Variants in RADIL observed in about 807,000 individuals in gnomAD.
RADIL encodes Rap associating with DIL domain, also known as ras-associating and dilute domain-containing protein.
A neutral mutation model predicts 97.6 loss-of-function variants in RADIL; 99 were observed. The ratio of observed to expected loss-of-function variants is 1.01; its 90% CI spans 0.86 to 1.20. RADIL has a LOEUF of 1.20. Ranked by LOEUF, RADIL falls within the 50% of genes most tolerant of loss-of-function variation. The pLI is 0.00. For synonymous variants in RADIL, 803 were observed against 691.8 expected, an observed-to-expected ratio of 1.16 and a Z score of -2.52; for missense variants, 1,765 against 1,498.9, an observed-to-expected ratio of 1.18 and a Z score of -2.93.
At chr7:4,816,169 C>G (rs1782672841) in intron 8 of RADIL, 59 bp downstream of exon 8, 4 of 1,504,646 alleles carry the variant, frequency 2.7e-6, no homozygotes, top group Non-Finnish European at 3.6e-6. Context: ...GAGGCGCCAG[C>G]AGCCGTCATG....
chr7:4,825,753 G>A (rs530562578), intron 5 of RADIL, among the ~76,000 whole-genome samples: 1 of 152,138 alleles, frequency 6.6e-6, no homozygotes, highest in Admixed American at 6.5e-5. Context: ...GCATGTTCCT[G>A]TTATCCCAGC....
Position 4,816,351 on chromosome 7 carries a change from C to G in RADIL, c.1843G>C (p.Val615Leu). 4 of 1,612,172 alleles carry G rather than the reference C, an allele frequency of 2.5e-6. No individual in the cohort carries two copies. Among genetic ancestry groups the G allele is most frequent in the Non-Finnish European group, 3.4e-6 (4 of 1,179,648 alleles). ...AGGAGGTCCAGGGCTGCCTGGTACA[C>G]AGACACCACGCGGCGCAGCTCCTCG... Reference protein sequence around the residue: ...LPEELRRVVSVYQAALDLLRQ... With the variant: ...LPEELRRVVSLYQAALDLLRQ... The change falls in exon 8 of 15, where the codon GTG becomes CTG. Residue 615 changes from valine (V) to leucine (L), a missense_variant. Physicochemically the swap from Val to Leu is conservative, Grantham distance 32. Transcript: ENST00000399583.
intron 2 of RADIL, among the ~76,000 whole-genome samples, chr7:4,870,767 A>G (rs1784234664): frequency 6.6e-6 from 1 of 152,140 alleles, no homozygotes; most frequent in African/African-American, 2.4e-5. Flanking sequence ...CAAACAGTTC[A>G]CACCAGTGAC....
intron 2 of RADIL, 103 bp from the exon 3 acceptor site, chr7:4,836,708 T>TG (rs1223919128): frequency 2.0e-6 from 3 of 1,485,142 alleles, no homozygotes; most frequent in Non-Finnish European, 2.7e-6. Flanking sequence ...GAGGCCGAGG[T>TG]GGGGGGATCG....
rs1783943305 is a variant in RADIL, at chr7:4,860,124, T to C, written c.535+17481A>G. ...TGTATGTTAGCCACAGATGCTGTCATTACAGCCAAGGCAGGACTGTTTCTA... is the reference window on the plus strand; with the variant it reads ...TGTATGTTAGCCACAGATGCTGTCACTACAGCCAAGGCAGGACTGTTTCTA... On this transcript the variant is annotated intron_variant, in intron 2 of 14. Coordinates refer to ENST00000399583, the MANE Select transcript of RADIL (RefSeq NM_018059.5). 1.2e-6 allele frequency: 2 copies of C among 1,613,920 alleles called. No individual in the cohort carries two copies. Among genetic ancestry groups the C allele is most frequent in the East Asian group, 2.2e-5 (1 of 44,902 alleles).
In RADIL at chr7:4,799,309, G is replaced by T. The variant is rs576769654; in HGVS notation, c.*69C>A. On this transcript the variant is annotated 3_prime_UTR_variant, in exon 15 of 15. Transcript: ENST00000399583. ...GGTCAGTTACAAAACAGGGACGAAG[G>T]CGGGAGGAAGCCCAGTGTCACCAGG... The T allele has an allele frequency of 4.0e-6, 6 of 1,501,526 alleles. No homozygotes were observed. The highest frequency in any genetic ancestry group is 4.6e-6 in the Non-Finnish European group (5 of 1,083,352). The allele number at this position is 1,501,526 out of a possible 1,614,324, so 93.0% of individuals were successfully genotyped here. A position where few individuals can be genotyped will look rare whatever the true frequency, so the allele number is the denominator to read the frequency against.
intron 2 of RADIL, chr7:4,861,870 C>G: frequency 8.2e-7 from 1 of 1,225,876 alleles, no homozygotes; most frequent in Non-Finnish European, 1.1e-6. Context: ...GCGGCCGCCG[C>G]CCGGGTCATG....
At chr7:4,808,430 G>A (rs1562430036) in intron 9 of RADIL, among the ~76,000 whole-genome samples, 1 of 151,984 alleles carries the variant, frequency 6.6e-6, no homozygotes, top group Non-Finnish European at 1.5e-5. Context: ...GCTTCTCCTT[G>A]AATTGTCTGT....
At chr7:4,827,093 C>T (rs1302295771) in intron 5 of RADIL, among the ~76,000 whole-genome samples, 1 of 151,986 alleles carries the variant, frequency 6.6e-6, no homozygotes, top group South Asian at 2.1e-4. Flanking sequence ...AGGCCAGGAG[C>T]GTGGCTCATG....
chr7:4,802,404 T>TGGG (rs1343757114), intron 11 of RADIL, among the ~76,000 whole-genome samples: 29 of 126,376 alleles, frequency 2.3e-4, no homozygotes, highest in African/African-American at 3.6e-4. Flanking sequence ...GCACGCTGGC[T>TGGG]GGGCCCCCTC....
intron 10 of RADIL, chr7:4,805,312 C>T (rs1421584507): frequency 2.3e-6 from 1 of 433,152 alleles, no homozygotes; most frequent in African/African-American, 2.0e-5. Context: ...GGGCCTTGGA[C>T]CTGAGCCTGG....
intron 9 of RADIL, among the ~76,000 whole-genome samples, chr7:4,807,406 G>T (rs758668295): frequency 1.3e-5 from 2 of 151,952 alleles, no homozygotes; most frequent in Non-Finnish European, 2.9e-5. Flanking sequence ...TCTGTGCTTG[G>T]TCCGGGACCA....
intron 2 of RADIL, chr7:4,861,993 A>G: frequency 2.3e-6 from 1 of 438,460 alleles, no homozygotes; most frequent in Non-Finnish European, 4.0e-6. Context: ...CAGCCCCAAC[A>G]TGGCGCCAGA....
At chr7:4,853,241 G>A (rs965995007) in intron 2 of RADIL, among the ~76,000 whole-genome samples, 7 of 152,128 alleles carry the variant, frequency 4.6e-5, no homozygotes, top group African/African-American at 1.7e-4. Flanking sequence ...GGAACTGTTC[G>A]TGTCATTTCA....
rs566279017 is a variant in RADIL, at chr7:4,802,223, G to T, written c.2500-228C>A. 2.7e-4 allele frequency among the ~76,000 whole-genome samples: 41 copies of T among 152,330 alleles called. No homozygotes were observed. In the East Asian group the frequency reaches 7.5e-3, roughly 28 times the overall value. On this transcript the variant is annotated intron_variant, in intron 11 of 14. Transcript: ENST00000399583. ...GACTCCCGGGGTTCCCAGAGCTCCC[G>T]CCTGCTGCCCCCAGCCCAGCTTCCA... is the stretch of plus-strand genomic sequence containing the variant.
chr7:4,860,155 A>C, intron 2 of RADIL: 1 of 1,614,034 alleles, frequency 6.2e-7, no homozygotes. Flanking sequence ...TTCTACCCTG[A>C]GAACTGCTAA....
In RADIL at chr7:4,816,234, C is replaced by T. The variant is rs753431188; in HGVS notation, c.1960G>A (p.Asp654Asn). 1.9e-6 allele frequency: 3 copies of T among 1,609,672 alleles called. No homozygotes were observed. The highest frequency in any genetic ancestry group is 1.1e-5 in the South Asian group (1 of 90,898). Residue 654 changes from aspartate to asparagine, a missense_variant, in exon 8 of 15, where the codon GAC becomes AAC. Coordinates refer to ENST00000399583, the MANE Select transcript of RADIL (RefSeq NM_018059.5). ...SGTLLLNQLL[D>N]RGPSLSCFHW... is the part of the protein sequence containing the mutation. ...CCCTGCACGAGGCCCTCACCCCTGT[C>T]GAGGAGCTGGTTGAGAAGCAGTGTC...
chr7:4,805,585 G>A lies in RADIL; in HGVS notation c.2271C>T (p.Ser757=). 6.2e-7 allele frequency: 1 copy of A among 1,609,170 alleles called. No homozygotes were observed. The highest frequency in any genetic ancestry group is 8.5e-7 in the Non-Finnish European group (1 of 1,177,932). The change falls in exon 10 of 15, where the codon AGC becomes AGT. Residue 757 remains serine (S), a synonymous_variant. Coordinates refer to ENST00000399583, the MANE Select transcript of RADIL (RefSeq NM_018059.5). ...MSTWEPGAQD[S]PEAFRSEDVL... is the part of the protein sequence containing the mutation. ...GCTTACCTGACCTGAAGGCCTCGGG[G>A]CTGTCCTGGGCCCCTGGCTCCCAGG...
At chr7:4,852,883 G>C (rs188450708) in intron 2 of RADIL, among the ~76,000 whole-genome samples, 58 of 152,242 alleles carry the variant, frequency 3.8e-4, no homozygotes, top group African/African-American at 1.3e-3. Flanking sequence ...GTTACCCTAT[G>C]CCTGTCCCAC....
Sources: allele counts gnomAD v4.1 joint callset (sites outside exome capture counted in the v4.1 genomes callset), GRCh38; gene constraint gnomAD v4.1.1; transcripts MANE v1.5; gene names NCBI Gene and HGNC (gene_info 2026-07-23, HGNC 2026-07-21).